The following NCKAP5 variants were observed in gnomAD, a reference collection of about 807,000 sequenced individuals.
NCKAP5 encodes the protein NCK associated protein 5, also known as nck-associated protein 5.
A neutral mutation model predicts 167.0 loss-of-function variants in NCKAP5; 92 were observed. The ratio of observed to expected loss-of-function variants is 0.55; its 90% confidence interval spans 0.47 to 0.66. The LOEUF (loss-of-function observed/expected upper bound fraction) is 0.66, where lower values mean the gene tolerates loss of function less well. NCKAP5 is among the 30% of genes least tolerant of loss of function. The pLI, the probability that NCKAP5 is intolerant of heterozygous loss-of-function variation, is 0.00. For missense variants in NCKAP5, 2,378 were observed against 2,315.0 expected (o/e 1.03, Z -0.56); for synonymous variants, 891 against 877.4 (o/e 1.02, Z -0.27).
At chr2:133,237,061 C>T (rs923459159) in intron 4 of NCKAP5, among the ~76,000 whole-genome samples, 4 of 151,062 alleles carry the variant, frequency 2.6e-5, no homozygotes, top group African/African-American at 4.9e-5. Context: ...AAAAAAAGAG[C>T]GAAATCTCTG....
At chr2:133,455,910 A>C (rs1427419307) in intron 3 of NCKAP5, among the ~76,000 whole-genome samples, 1 of 152,134 alleles carries the variant, frequency 6.6e-6, no homozygotes, top group East Asian at 1.9e-4. Flanking sequence ...CAGTCTAGGC[A>C]AAAACGCACT....
chr2:132,967,317 G>A (rs867664959), intron 7 of NCKAP5, among the ~76,000 whole-genome samples: 36 of 152,154 alleles, frequency 2.4e-4, no homozygotes, highest in Middle Eastern at 3.4e-3. Flanking sequence ...TACATAAAAC[G>A]TCAGGGTCAC....
At chr2:133,486,851 C>T (rs1336731113) in intron 3 of NCKAP5, among the ~76,000 whole-genome samples, 2 of 152,134 alleles carry the variant, frequency 1.3e-5, no homozygotes, top group African/African-American at 2.4e-5. Flanking sequence ...GTTCATTCAA[C>T]GGGTCATTGT....
Position 133,329,083 on chromosome 2 carries a change from T to G in NCKAP5, c.70-25973A>C, listed in dbSNP as rs112853336. On this transcript the variant is annotated intron_variant, in intron 3 of 19. Coordinates refer to ENST00000409261, the MANE Select transcript of NCKAP5 (RefSeq NM_207363.3). The stretch of plus-strand genomic sequence containing the variant: ...TACCCACATAGCTTGCCGTTAATAC[T>G]TCTCTATTAAGCTTTCAGAAAGAGG... Among the ~76,000 whole-genome samples the G allele has an allele frequency of 9.8e-4, 150 of 152,332 alleles. 2 individuals are homozygous for G. The highest frequency in any genetic ancestry group is 3.5e-3 in the African/African-American group (144 of 41,574).
At chr2:132,816,233 G>A (rs1233165746) in intron 11 of NCKAP5, among the ~76,000 whole-genome samples, 2 of 151,998 alleles carry the variant, frequency 1.3e-5, no homozygotes, top group Non-Finnish European at 2.9e-5. Flanking sequence ...AATTTGTGGG[G>A]CCCAGAGAAT....
chr2:132,817,063 A>G (rs1391930599), intron 11 of NCKAP5, among the ~76,000 whole-genome samples: 1 of 152,230 alleles, frequency 6.6e-6, no homozygotes, highest in Non-Finnish European at 1.5e-5. Flanking sequence ...GAAAATCCTT[A>G]AACAACTTCT....
chr2:133,237,668 T>A (rs997448686), intron 4 of NCKAP5, among the ~76,000 whole-genome samples: 29 of 152,204 alleles, frequency 1.9e-4, no homozygotes, highest in African/African-American at 5.5e-4. Flanking sequence ...ATTGAAGATG[T>A]AACTGCAAAG....
chr2:133,027,615 G>A (rs1012861569), intron 6 of NCKAP5, among the ~76,000 whole-genome samples: 3 of 152,084 alleles, frequency 2.0e-5, no homozygotes, highest in African/African-American at 7.2e-5. Context: ...AGTTGTAAAG[G>A]GGACTCCTGT....
At chr2:132,822,274 C>T (rs140818166) in intron 11 of NCKAP5, among the ~76,000 whole-genome samples, 4 of 152,166 alleles carry the variant, frequency 2.6e-5, no homozygotes, top group East Asian at 3.9e-4. Flanking sequence ...ATTGAACATA[C>T]GTATAACCAT....
intron 6 of NCKAP5, among the ~76,000 whole-genome samples, chr2:133,113,528 A>G (rs777020836): frequency 6.6e-6 from 1 of 152,038 alleles, no homozygotes; most frequent in African/African-American, 2.4e-5. Flanking sequence ...AGGGGGCTTC[A>G]CTCCGAGCCT....
chr2:132,738,418 A>G (rs546246396), intron 16 of NCKAP5, among the ~76,000 whole-genome samples: 5 of 152,314 alleles, frequency 3.3e-5, no homozygotes, highest in South Asian at 2.1e-4. Context: ...GGAATTCTAG[A>G]TGCCAAGTGG....
At chr2:132,779,959 A>T (rs1291162353) in intron 15 of NCKAP5, among the ~76,000 whole-genome samples, 1 of 152,196 alleles carries the variant, frequency 6.6e-6, no homozygotes, top group Non-Finnish European at 1.5e-5. Flanking sequence ...GGATATAGTA[A>T]TTCCATAAAG....
At chr2:133,590,965 G>A in the NCKAP5 span, among the ~76,000 whole-genome samples, 1 of 152,016 alleles carries the variant, frequency 6.6e-6, no homozygotes, top group Non-Finnish European at 1.5e-5. Flanking sequence ...TCAATATTTT[G>A]TGTGTTGTAT....
At chr2:133,185,115 T>C (rs2084890932) in intron 5 of NCKAP5, among the ~76,000 whole-genome samples, 1 of 152,156 alleles carries the variant, frequency 6.6e-6, no homozygotes, top group African/African-American at 2.4e-5. Flanking sequence ...AAGTCTTTTG[T>C]CCATCTTGTG....
chr2:132,997,111 T>C (rs988492655), intron 6 of NCKAP5, among the ~76,000 whole-genome samples: 1 of 152,210 alleles, frequency 6.6e-6, no homozygotes, highest in African/African-American at 2.4e-5. Flanking sequence ...TCCGCTGATG[T>C]AGGAAGCCCA....
At chr2:132,986,899 A>G (rs10184845) in intron 7 of NCKAP5, among the ~76,000 whole-genome samples, 3,315 of 152,208 alleles carry the variant, frequency 0.022, 91 homozygotes, top group African/African-American at 0.076. Flanking sequence ...AAACTTATGA[A>G]TCCAGGAGTG....
the NCKAP5 span, among the ~76,000 whole-genome samples, chr2:133,599,193 G>T: frequency 6.6e-6 from 1 of 152,222 alleles, no homozygotes; most frequent in Admixed American, 6.5e-5. Flanking sequence ...AACATGTTTT[G>T]TAGGGGACAC....
At chr2:133,539,086 G>A (rs111231553) in intron 2 of NCKAP5, among the ~76,000 whole-genome samples, 14,163 of 151,470 alleles carry the variant, frequency 0.094, 760 homozygotes, top group East Asian at 0.25. Flanking sequence ...GACTACAGGC[G>A]CCAGCCACCA....
intron 5 of NCKAP5, among the ~76,000 whole-genome samples, chr2:133,198,124 A>G (rs2085517961): frequency 6.6e-6 from 1 of 152,200 alleles, no homozygotes; most frequent in Non-Finnish European, 1.5e-5. Context: ...GTGAAAATAT[A>G]TAGATAGGCA....
Sources: allele counts gnomAD v4.1 joint callset (sites outside exome capture counted in the v4.1 genomes callset), GRCh38; gene constraint gnomAD v4.1.1; transcripts MANE v1.5; gene names NCBI Gene and HGNC (gene_info 2026-07-23, HGNC 2026-07-21).